The following TCTN1 variants were observed in gnomAD, a reference collection of about 807,000 sequenced individuals.
TCTN1 encodes tectonic family member 1.
Under a neutral mutation model 65.8 loss-of-function variants are expected in TCTN1, and 58 were observed. That is an observed-to-expected ratio of 0.88 (90% CI 0.71 to 1.10). The LOEUF is 1.10. Ranked by LOEUF, TCTN1 falls within the 50% of genes least tolerant of loss-of-function variation. The pLI, the probability that TCTN1 is intolerant of heterozygous loss-of-function variation, is 0.00. For synonymous variants in TCTN1, 273 were observed against 289.1 expected (o/e 0.94, Z 0.57); for missense variants, 645 against 719.4 (o/e 0.90, Z 1.18).
In TCTN1 at chr12:110,645,102, C is replaced by T. The variant is rs748187759; in HGVS notation, c.1467C>T (p.His489=). The change falls in exon 12 of 15, where the codon CAC becomes CAT. Residue 489 remains histidine (H), a synonymous_variant. Coordinates refer to ENST00000397659, the MANE Select transcript of TCTN1 (RefSeq NM_001082538.3). ...ACATGCTGGACTGGGTGCCCATCCACTTCATCACCCAGTCATTCAACAGGA... is the reference window on the plus strand; with the variant it reads ...ACATGCTGGACTGGGTGCCCATCCATTTCATCACCCAGTCATTCAACAGGA... ...AQDMLDWVPI[H]FITQSFNRKH... is the part of the protein sequence containing the mutation. 2.5e-6 allele frequency: 4 copies of T among 1,614,164 alleles called. No individual in the cohort carries two copies. The highest frequency in any genetic ancestry group is 2.2e-5 in the South Asian group (2 of 91,078).
chr12:110,628,710 T>C (rs2066019478), intron 3 of TCTN1, 57 bp from the exon 4 acceptor site: 2 of 1,423,830 alleles, frequency 1.4e-6, no homozygotes, highest in African/African-American at 1.4e-5. Flanking sequence ...ATATAGGTCA[T>C]ACATATTATA....
Position 110,628,820 on chromosome 12 carries a change from G to T in TCTN1, c.526G>T (p.Asp176Tyr). The T allele has an allele frequency of 2.5e-6, 4 of 1,612,614 alleles. No individual in the cohort carries two copies. Among genetic ancestry groups the T allele is most frequent in the Non-Finnish European group, 3.4e-6 (4 of 1,179,154 alleles). ...AGAAGTACCTGATGAAAACAATTTTGATACATTGATGAAAACATCTGATGG... is the reference window on the plus strand; with the variant it reads ...AGAAGTACCTGATGAAAACAATTTTTATACATTGATGAAAACATCTGATGG... ...NPEVPDENNFDTLMKTSDGFT... is the reference protein window; with the variant it reads ...NPEVPDENNFYTLMKTSDGFT... The change falls in exon 4 of 15, where the codon GAT becomes TAT. Residue 176 changes from aspartate (D) to tyrosine (Y), a missense_variant. By Grantham distance (160) the Asp-to-Tyr change is radical (BLOSUM62 -3). Transcript: ENST00000397659.
At chr12:110,647,649 C>T (rs780780713) in intron 13 of TCTN1, 100 bp from the exon 14 acceptor site, 4 of 1,559,392 alleles carry the variant, frequency 2.6e-6, no homozygotes, top group Admixed American at 3.3e-5. Flanking sequence ...GATTCATGAA[C>T]TGACAGTAGT....
intron 3 of TCTN1, chr12:110,628,145 A>T (rs1330053494): frequency 6.5e-7 from 1 of 1,535,954 alleles, no homozygotes; most frequent in Non-Finnish European, 8.7e-7. Context: ...TTCTCCTTAC[A>T]GGTTGATACA....
chr12:110,648,926 G>C (rs2067628305), intron 14 of TCTN1, 117 bp from the exon 15 acceptor site: 1 of 414,870 alleles, frequency 2.4e-6, no homozygotes, highest in South Asian at 1.8e-5. Context: ...ACACAGAGGA[G>C]GGGCCTGGGT....
chr12:110,619,647 T>G (rs539130565), intron 1 of TCTN1, among the ~76,000 whole-genome samples, 189 bp from the exon 2 acceptor site: 1 of 152,342 alleles, frequency 6.6e-6, no homozygotes, highest in South Asian at 2.1e-4. Context: ...TTAGCCACTT[T>G]GGGGAAACCT....
At chr12:110,616,562 C>CT (rs1244315730) in intron 1 of TCTN1, among the ~76,000 whole-genome samples, 1 of 152,106 alleles carries the variant, frequency 6.6e-6, no homozygotes, top group Non-Finnish European at 1.5e-5. Context: ...CTGTCTTCAC[C>CT]TTTTTAAAGG....
rs752181429 is a variant in TCTN1 at position 110,632,552 on chromosome 12, C to A, written c.705C>A (p.Asn235Lys). The A allele has an allele frequency of 1.2e-6, 2 of 1,613,652 alleles. No homozygotes were observed. Among genetic ancestry groups the A allele is most frequent in the Non-Finnish European group, 1.7e-6 (2 of 1,179,654 alleles). Residue 235 changes from asparagine to lysine, a missense_variant, in exon 5 of 15, where the codon AAC becomes AAA. Coordinates refer to ENST00000397659, the MANE Select transcript of TCTN1 (RefSeq NM_001082538.3). ...CATCATCTCTGTGCACTGATAATAA[C>A]CCTGCAGGTAAGAAAGTGGTCATTC... Reference protein sequence around the residue: ...SLTSSLCTDNNPAAFLVNQAV... With the variant: ...SLTSSLCTDNKPAAFLVNQAV...
intron 12 of TCTN1, 96 bp downstream of exon 12, chr12:110,645,225 G>T (rs1268725843): frequency 1.3e-6 from 2 of 1,538,332 alleles, no homozygotes; most frequent in Non-Finnish European, 1.8e-6. Flanking sequence ...AAGGAGGCAG[G>T]ATGGCCCTGA....
intron 4 of TCTN1, among the ~76,000 whole-genome samples, chr12:110,632,116 T>A (rs1391225920): frequency 2.0e-5 from 3 of 152,218 alleles, no homozygotes; most frequent in Admixed American, 6.5e-5. Context: ...GTATACTGTA[T>A]ATGTTATTTA....
rs1249925005 is a variant in TCTN1 at position 110,641,625 on chromosome 12, G to A, written c.1188G>A (p.Lys396=). The A allele has an allele frequency of 6.8e-6, 11 of 1,614,054 alleles. No homozygotes were observed. The highest frequency in any genetic ancestry group is 9.3e-6 in the Non-Finnish European group (11 of 1,179,886). ...LPLAAGFQPH[K]GSGIIQTTNR... is the part of the protein sequence containing the mutation. Reference sequence around the variant, plus strand: ...TAGCTGCTGGATTCCAGCCTCATAAGGGATATCCTTTTTGGTTCTGTAGAG... The same window carrying A: ...TAGCTGCTGGATTCCAGCCTCATAAAGGATATCCTTTTTGGTTCTGTAGAG... The change falls in exon 10 of 15, where the codon AAG becomes AAA. Residue 396 remains lysine (K), a splice_region_variant and synonymous_variant. Transcript: ENST00000397659.
chr12:110,619,196 T>G (rs2065252131), intron 1 of TCTN1, among the ~76,000 whole-genome samples: 1 of 146,378 alleles, frequency 6.8e-6, no homozygotes, highest in Non-Finnish European at 1.5e-5. Flanking sequence ...AATAAATAAA[T>G]AAAATAATTA....
In TCTN1 at chr12:110,647,869, A is replaced by T; in HGVS notation, c.1756A>T (p.Asn586Tyr). Residue 586 changes from asparagine (N) to tyrosine (Y), a missense_variant, in exon 14 of 15, where the codon AAC becomes TAC. By Grantham distance (143) the Asn-to-Tyr change is moderately radical. Transcript: ENST00000397659. ...PPAINARLPF[N>Y]FFFPFV ...AGCCATCAATGCCAGGCTGCCCTTT[A>T]ACTTCTTCTTCCCGTTTGTTTGACG... The T allele has an allele frequency of 1.2e-6, 2 of 1,613,952 alleles. No individual in the cohort carries two copies. Among genetic ancestry groups the T allele is most frequent in the Non-Finnish European group, 1.7e-6 (2 of 1,180,028 alleles).
At chr12:110,632,393 G>T in intron 4 of TCTN1, 79 bp from the exon 5 acceptor site, 1 of 1,447,678 alleles carries the variant, frequency 6.9e-7, no homozygotes, top group Non-Finnish European at 9.7e-7. Context: ...AGTGCTGCTT[G>T]GCACATTGTG....
intron 9 of TCTN1, 35 bp from the exon 10 acceptor site, chr12:110,641,507 G>T: frequency 6.3e-7 from 1 of 1,578,982 alleles, no homozygotes; most frequent in African/African-American, 1.3e-5. Flanking sequence ...ATTAAAATGA[G>T]AATTATTTGG....
chr12:110,629,016 C>T (rs1413067979), intron 4 of TCTN1, 98 bp downstream of exon 4: 2 of 1,397,676 alleles, frequency 1.4e-6, no homozygotes. Context: ...TTCCTTGAGA[C>T]AGAGTTGATA....
At chr12:110,614,565 G>A in intron 1 of TCTN1, 163 bp downstream of exon 1, 1 of 1,396,222 alleles carries the variant, frequency 7.2e-7, no homozygotes, top group Non-Finnish European at 9.8e-7. Flanking sequence ...ATAACCCTGA[G>A]AAGTAGCTGT....
intron 6 of TCTN1, 86 bp from the exon 7 acceptor site, chr12:110,636,395 C>A (rs187672948): frequency 3.6e-5 from 33 of 920,066 alleles, no homozygotes; most frequent in Non-Finnish European, 5.6e-5. Flanking sequence ...GATGAATATA[C>A]TCTTCAACTC....
chr12:110,623,812 C>T (rs546190935), intron 2 of TCTN1, among the ~76,000 whole-genome samples: 1 of 151,016 alleles, frequency 6.6e-6, no homozygotes, highest in East Asian at 2.0e-4. Flanking sequence ...TGGTCTTGAA[C>T]TCCTGGCCTC....
Sources: allele counts gnomAD v4.1 joint callset (sites outside exome capture counted in the v4.1 genomes callset), GRCh38; gene constraint gnomAD v4.1.1; transcripts MANE v1.5; gene names NCBI Gene and HGNC (gene_info 2026-07-23, HGNC 2026-07-21).